Variants in SRGAP2C observed in about 807,000 individuals in gnomAD.
SRGAP2C encodes the protein SLIT-ROBO Rho GTPase activating protein 2C.
A neutral mutation model predicts 25.1 loss-of-function variants in SRGAP2C; 15 were observed. The observed-to-expected ratio is 0.60, with a 90% CI of 0.40 to 0.92. The LOEUF (loss-of-function observed/expected upper bound fraction) is 0.92. SRGAP2C is among the 40% of genes least tolerant of loss of function. The pLI is 0.00. For missense variants in SRGAP2C, 144 were observed against 264.4 expected (o/e 0.54, Z 3.16); for synonymous variants, 44 against 96.6 (o/e 0.46, Z 3.19).
intron 4 of SRGAP2C, among the ~76,000 whole-genome samples, chr1:121,352,932 A>G (rs1553346459): frequency 6.9e-6 from 1 of 143,910 alleles, no homozygotes; most frequent in African/African-American, 2.6e-5. Flanking sequence ...TACTAAAAAT[A>G]CAAAAAAATT....
Position 121,391,548 on chromosome 1 carries a change from A to C in SRGAP2C, c.*3693A>C, listed in dbSNP as rs56890762. On this transcript the variant is annotated 3_prime_UTR_variant, in exon 10 of 10. Transcript: ENST00000367123. ...TTGATTGGTTCCTGACATACCAGAA[A>C]ATCACTGTCAAAACATTAGCTTAAC... 1 of 152,426 alleles carries C rather than the reference A, an allele frequency of 6.6e-6. No homozygotes were observed. Among genetic ancestry groups the C allele is most frequent in the South Asian group, 2.1e-4 (1 of 4,834 alleles). The allele number at this position is 152,426 out of a possible 1,614,324, so 9.4% of individuals were successfully genotyped here.
intron 2 of SRGAP2C, among the ~76,000 whole-genome samples, chr1:121,212,554 A>G (rs1291921063): frequency 6.6e-6 from 1 of 151,370 alleles, no homozygotes; most frequent in African/African-American, 2.4e-5. Flanking sequence ...TCTAAAGAAT[A>G]GTGTTGCTAC....
In SRGAP2C at chr1:121,308,939, C is replaced by CA. The variant is rs1282103321; in HGVS notation, c.261-15522dup. Among the ~76,000 whole-genome samples, 71 of 30,646 alleles carry CA rather than the reference C, an allele frequency of 2.3e-3. 3 individuals are homozygous for CA. Among genetic ancestry groups the CA allele is most frequent in the African/African-American group, 6.9e-3 (58 of 8,390 alleles). 20.1% of individuals were successfully genotyped at this position (30,646 alleles called of 152,430 possible). A position where few individuals can be genotyped will look rare whatever the true frequency, so the allele number is the denominator to read the frequency against. ...GGACAACAAGAGTGAAACTCTGTCT[C>CA]AAAAAAAAAAAAAAAAAGGAAGTGT... is the stretch of plus-strand genomic sequence containing the variant. On this transcript the variant is annotated intron_variant, in intron 3 of 9. Coordinates refer to ENST00000367123, the MANE Select transcript of SRGAP2C (RefSeq NM_001329984.2).
intron 3 of SRGAP2C, among the ~76,000 whole-genome samples, chr1:121,306,659 C>A (rs1359821356): frequency 7.3e-6 from 1 of 137,438 alleles, no homozygotes; most frequent in Non-Finnish European, 1.6e-5. Context: ...CTCCCTCCTT[C>A]TCTGCTTTAG....
Position 121,391,232 on chromosome 1 carries a change from A to T in SRGAP2C, c.*3377A>T, listed in dbSNP as rs587621518. 1 of 151,642 alleles carries T rather than the reference A, an allele frequency of 6.6e-6. No homozygotes were observed. The highest frequency in any genetic ancestry group is 6.6e-5 in the Admixed American group (1 of 15,238). 9.4% of individuals were successfully genotyped at this position (151,642 alleles called of 1,614,324 possible). A position where few individuals can be genotyped will look rare whatever the true frequency, so the allele number is the denominator to read the frequency against. On this transcript the variant is annotated 3_prime_UTR_variant, in exon 10 of 10. Coordinates refer to ENST00000367123, the MANE Select transcript of SRGAP2C (RefSeq NM_001329984.2). Reference sequence around the variant, plus strand: ...AAAAATTAGCTGGGCGTGGTGGCGCATGCCTCATTCACGTACATGGGAGAG... The same window carrying T: ...AAAAATTAGCTGGGCGTGGTGGCGCTTGCCTCATTCACGTACATGGGAGAG...
intron 2 of SRGAP2C, among the ~76,000 whole-genome samples, chr1:121,225,642 G>A (rs1202468221): frequency 4.3e-5 from 6 of 139,024 alleles, no homozygotes; most frequent in African/African-American, 1.6e-4. Context: ...ACTTAGTATA[G>A]TATTATACAT....
At chr1:121,202,473 G>A (rs1655008536) in intron 2 of SRGAP2C, among the ~76,000 whole-genome samples, 2 of 145,774 alleles carry the variant, frequency 1.4e-5, no homozygotes, top group South Asian at 4.3e-4. Context: ...CTGTCACTCA[G>A]GCTGGAGTGC....
intron 7 of SRGAP2C, among the ~76,000 whole-genome samples, chr1:121,378,036 C>T (rs1659712985): frequency 6.6e-6 from 1 of 151,600 alleles, no homozygotes; most frequent in South Asian, 2.1e-4. Context: ...AGAGGAAGAT[C>T]TCAGTCTCAT....
chr1:121,310,642 T>C (rs1268970306), intron 3 of SRGAP2C, among the ~76,000 whole-genome samples: 2 of 76,862 alleles, frequency 2.6e-5, no homozygotes, highest in Non-Finnish European at 5.3e-5. Flanking sequence ...TTTCTACATA[T>C]GGCTAGCCAG....
rs1242246342 is a variant in SRGAP2C, at chr1:121,249,566, ATATATATATATATATT to A, written c.68-35235_68-35220del. ...ATGGACTATATATATATATATATAT[ATATATATATATATATT>A]TTTTTTTTTTTTTTTTAAATTATAC... On this transcript the variant is annotated intron_variant, in intron 2 of 9. Coordinates refer to ENST00000367123, the MANE Select transcript of SRGAP2C (RefSeq NM_001329984.2). Among the ~76,000 whole-genome samples the A allele has an allele frequency of 2.4e-3, 80 of 33,198 alleles. 1 individual carries two copies. The highest frequency in any genetic ancestry group is 8.4e-3 in the African/African-American group (67 of 8,008). The allele number at this position is 33,198 out of a possible 152,430, so 21.8% of individuals were successfully genotyped here.
chr1:121,328,960 G>T (rs1203313702), intron 4 of SRGAP2C, among the ~76,000 whole-genome samples: 1 of 129,922 alleles, frequency 7.7e-6, no homozygotes, highest in Non-Finnish European at 1.6e-5. Flanking sequence ...GCCTGTAATC[G>T]CAGCGCTTTG....
At position 121,321,955 on chromosome 1, in the gene SRGAP2C, C is replaced by T. The variant is rs1339908292; in HGVS notation, c.261-2523C>T. Among the ~76,000 whole-genome samples the T allele has an allele frequency of 3.6e-4, 54 of 151,582 alleles. 1 individual carries two copies. The highest frequency in any genetic ancestry group is 3.9e-4 in the Admixed American group (6 of 15,206). On this transcript the variant is annotated intron_variant, in intron 3 of 9. Transcript: ENST00000367123. ...TGTTTGTACCACCATTAAAGTTCTA[C>T]TTTACTATAGGTCTTTCTTTGTCTC...
intron 4 of SRGAP2C, among the ~76,000 whole-genome samples, chr1:121,357,101 A>G (rs1263914657): frequency 8.0e-6 from 1 of 125,602 alleles, no homozygotes; most frequent in African/African-American, 3.2e-5. Context: ...AGCTGAGTCC[A>G]TGAAGTTCAC....
chr1:121,211,416 T>TACACAC lies in SRGAP2C; in HGVS notation c.67+23943_67+23948dup, dbSNP rs200891136. On this transcript the variant is annotated intron_variant, in intron 2 of 9. Transcript: ENST00000367123. ...TGAGAGAGAGATATATATATACACA[T>TACACAC]ACACACACACACACACACACACACA... Among the ~76,000 whole-genome samples the TACACAC allele has an allele frequency of 7.6e-3, 991 of 130,080 alleles. 2 individuals carry two copies. The highest frequency in any genetic ancestry group is 0.01 in the South Asian group (35 of 3,480). The allele number at this position is 130,080 out of a possible 152,430, so 85.3% of individuals were successfully genotyped here.
At chr1:121,218,567 C>A (rs1232798748) in intron 2 of SRGAP2C, among the ~76,000 whole-genome samples, 2 of 138,472 alleles carry the variant, frequency 1.4e-5, no homozygotes, top group Non-Finnish European at 3.1e-5. Flanking sequence ...TGGTGAAACC[C>A]CGTCTCTACT....
At chr1:121,339,028 T>C (rs1658584892) in intron 4 of SRGAP2C, among the ~76,000 whole-genome samples, 2 of 151,910 alleles carry the variant, frequency 1.3e-5, no homozygotes, top group South Asian at 4.1e-4. Flanking sequence ...ATTCACATTT[T>C]GATGTATTTC....
At position 121,317,209 on chromosome 1, in the gene SRGAP2C, C is replaced by T. The variant is rs1293030469; in HGVS notation, c.261-7269C>T. ...AAAAAGAATTTTGATCCTTTTATTC[C>T]TAGAATAGTGGCTAGCCCATAATAG... is the stretch of plus-strand genomic sequence containing the variant. On this transcript the variant is annotated intron_variant, in intron 3 of 9. Coordinates refer to ENST00000367123, the MANE Select transcript of SRGAP2C (RefSeq NM_001329984.2). Among the ~76,000 whole-genome samples the T allele has an allele frequency of 2.5e-4, 22 of 87,932 alleles. 5 individuals carry two copies. Among genetic ancestry groups the T allele is most frequent in the South Asian group, 3.2e-4 (1 of 3,154 alleles). 57.7% of individuals were successfully genotyped at this position (87,932 alleles called of 152,430 possible). A position where few individuals can be genotyped will look rare whatever the true frequency, so the allele number is the denominator to read the frequency against.
intron 6 of SRGAP2C, among the ~76,000 whole-genome samples, 198 bp downstream of exon 6, chr1:121,374,384 C>T (rs1570823686): frequency 1.3e-5 from 2 of 151,726 alleles, no homozygotes; most frequent in Non-Finnish European, 2.9e-5. Context: ...ACGTGGGATC[C>T]AAGATTCTAG....
At chr1:121,279,486 G>A (rs1227147434) in intron 2 of SRGAP2C, among the ~76,000 whole-genome samples, 2 of 151,044 alleles carry the variant, frequency 1.3e-5, no homozygotes, top group African/African-American at 2.4e-5. Flanking sequence ...GAGTCTACAT[G>A]ATTGTCAGTG....
Sources: allele counts gnomAD v4.1 joint callset (sites outside exome capture counted in the v4.1 genomes callset), GRCh38; gene constraint gnomAD v4.1.1; transcripts MANE v1.5; gene names NCBI Gene and HGNC (gene_info 2026-07-23, HGNC 2026-07-21).